Variants in SYNE1 observed in about 807,000 individuals in gnomAD.
SYNE1 encodes the protein nesprin-1.
Under a neutral mutation model 1,111.0 loss-of-function variants are expected in SYNE1, and 616 were observed. The ratio of observed to expected loss-of-function variants is 0.55; its 90% CI spans 0.52 to 0.59. The LOEUF (loss-of-function observed/expected upper bound fraction) is 0.59. SYNE1 is among the 20% of genes least tolerant of loss of function. SYNE1 has a pLI of 0.00. For missense variants in SYNE1, 10,006 were observed against 10,417.0 expected, an observed-to-expected ratio of 0.96 and a Z score of 1.72; for synonymous variants, 3,855 against 3,825.8, an observed-to-expected ratio of 1.01 and a Z score of -0.28.
At chr6:152,122,794 G>T in intron 145 of SYNE1, 118 bp from the exon 146 acceptor site, 2 of 1,505,026 alleles carry the variant, frequency 1.3e-6, no homozygotes, top group Non-Finnish European at 1.8e-6. Flanking sequence ...CCAGCCTGGC[G>T]ATCAGCTGCC....
chr6:152,344,534 T>C (rs1000208733), intron 73 of SYNE1, among the ~76,000 whole-genome samples: 2 of 152,182 alleles, frequency 1.3e-5, no homozygotes, highest in African/African-American at 4.8e-5. Flanking sequence ...TGAAGTTAAT[T>C]GTCATAAACA....
intron 3 of SYNE1, among the ~76,000 whole-genome samples, chr6:152,617,016 T>C (rs1374718935): frequency 6.6e-6 from 1 of 152,166 alleles, no homozygotes; most frequent in Non-Finnish European, 1.5e-5. Flanking sequence ...AAAAGAACAA[T>C]CTTGAAAGAA....
intron 3 of SYNE1, among the ~76,000 whole-genome samples, chr6:152,625,659 C>T (rs538590710): frequency 5.9e-5 from 9 of 152,230 alleles, no homozygotes; most frequent in African/African-American, 2.2e-4. Flanking sequence ...GAAATAAAAG[C>T]TAATTAATGC....
chr6:152,435,326 C>T (rs1287267336), intron 33 of SYNE1: 1 of 151,098 alleles, frequency 6.6e-6, no homozygotes, highest in Non-Finnish European at 1.5e-5. Context: ...TTTTTCCCCT[C>T]CAAACTTTTT....
rs770156484 is a variant in SYNE1, at chr6:152,161,032, A to C, written c.23790+3131T>G. Among the ~76,000 whole-genome samples the C allele has an allele frequency of 1.6e-3, 236 of 151,814 alleles. 1 individual carries two copies. Among genetic ancestry groups the C allele is most frequent in the Non-Finnish European group, 2.3e-3 (154 of 67,924 alleles). On this transcript the variant is annotated intron_variant, in intron 131 of 145. Transcript: ENST00000367255. ...TAAACAAAAAGATAAATATATGAAA[A>C]ATAGGAGAGAAATATAGACATAAAC...
intron 84 of SYNE1, among the ~76,000 whole-genome samples, chr6:152,320,632 A>G (rs1269871105): frequency 6.6e-6 from 1 of 152,146 alleles, no homozygotes; most frequent in Non-Finnish European, 1.5e-5. Flanking sequence ...CTCAACACCA[A>G]AAAGGACTAT....
chr6:152,196,329 CT>C lies in SYNE1; in HGVS notation c.23145+5494del, dbSNP rs971485525. Among the ~76,000 whole-genome samples the C allele has an allele frequency of 2.1e-4, 32 of 152,174 alleles. 1 individual carries two copies. The highest frequency in any genetic ancestry group is 7.7e-4 in the African/African-American group (32 of 41,526). ...CAAAGTCCCCTTTGTTCTTGCCTCT[CT>C]TTTTTGTAAGCAGAAGAGGACTCTC... On this transcript the variant is annotated intron_variant, in intron 127 of 145. Transcript: ENST00000367255.
chr6:152,540,862 A>T (rs1019026621), intron 3 of SYNE1, among the ~76,000 whole-genome samples: 2 of 152,224 alleles, frequency 1.3e-5, no homozygotes, highest in African/African-American at 4.8e-5. Context: ...TCAAACAGTC[A>T]CAAGGAATGA....
At chr6:152,583,957 T>C (rs2099528900) in intron 3 of SYNE1, among the ~76,000 whole-genome samples, 1 of 152,172 alleles carries the variant, frequency 6.6e-6, no homozygotes, top group African/African-American at 2.4e-5. Flanking sequence ...AAAACATCTC[T>C]TCTGTGTGCA....
chr6:152,230,274 T>C (rs1047164308), intron 115 of SYNE1, among the ~76,000 whole-genome samples: 7 of 152,140 alleles, frequency 4.6e-5, no homozygotes, highest in African/African-American at 1.7e-4. Flanking sequence ...TTATTAAATC[T>C]GATGCTCAGT....
intron 62 of SYNE1, 61 bp downstream of exon 62, chr6:152,367,157 G>A (rs764428622): frequency 1.4e-5 from 23 of 1,602,270 alleles, no homozygotes; most frequent in Middle Eastern, 1.6e-4. Context: ...GGATGGAGAC[G>A]GGAAATTTTG....
Position 152,472,531 on chromosome 6 carries a change from C to T in SYNE1, c.1351-118G>A, listed in dbSNP as rs781071247. 3.9e-5 allele frequency: 37 copies of T among 943,846 alleles called. No homozygotes were observed. In the African/African-American group the frequency reaches 5.5e-4, roughly 14 times the overall value. 58.5% of individuals were successfully genotyped at this position (943,846 alleles called of 1,614,324 possible). A position where few individuals can be genotyped will look rare whatever the true frequency, so the allele number is the denominator to read the frequency against. Reference sequence around the variant, plus strand: ...GTATTCAACAATTTGATCCCGCTGCCACATTCAGAGGCAGCTTGGTGCCTG... The same window carrying T: ...GTATTCAACAATTTGATCCCGCTGCTACATTCAGAGGCAGCTTGGTGCCTG... On this transcript the variant is annotated intron_variant, in intron 14 of 145. Coordinates refer to ENST00000367255, the MANE Select transcript of SYNE1 (RefSeq NM_182961.4).
intron 84 of SYNE1, chr6:152,320,019 C>A (rs755348672): frequency 3.3e-5 from 5 of 152,140 alleles, no homozygotes; most frequent in Non-Finnish European, 7.3e-5. Flanking sequence ...AAAAAATTAG[C>A]CGGGTATGGT....
intron 3 of SYNE1, among the ~76,000 whole-genome samples, chr6:152,551,567 C>T (rs2099346985): frequency 6.6e-6 from 1 of 152,128 alleles, no homozygotes; most frequent in African/African-American, 2.4e-5. Flanking sequence ...AATTACATCA[C>T]AGTCCAAGTT....
intron 3 of SYNE1, among the ~76,000 whole-genome samples, chr6:152,547,786 C>T (rs1015569762): frequency 5.3e-5 from 8 of 152,220 alleles, no homozygotes; most frequent in East Asian, 3.9e-4. Flanking sequence ...CTGTATCTCA[C>T]TTATTTAATT....
intron 91 of SYNE1, among the ~76,000 whole-genome samples, chr6:152,303,996 C>T (rs1468222821): frequency 6.7e-6 from 1 of 149,966 alleles, no homozygotes; most frequent in Non-Finnish European, 1.5e-5. Flanking sequence ...AAAAAACAGT[C>T]CAGCAGAACT....
intron 6 of SYNE1, among the ~76,000 whole-genome samples, chr6:152,515,541 A>C (rs1414444719): frequency 6.6e-6 from 1 of 152,240 alleles, no homozygotes; most frequent in South Asian, 2.1e-4. Flanking sequence ...CAGGGATCAC[A>C]GTTCTTGCAG....
At chr6:152,513,480 T>C (rs186740089) in intron 6 of SYNE1, among the ~76,000 whole-genome samples, 298 of 152,210 alleles carry the variant, frequency 2.0e-3, no homozygotes, top group Non-Finnish European at 3.2e-3. Context: ...ATTACAGGCA[T>C]GCGCCACCAC....
rs2093094966 is a variant in SYNE1, at chr6:152,270,294, C to T, written c.18574-1008G>A. 2.6e-5 allele frequency among the ~76,000 whole-genome samples: 4 copies of T among 152,102 alleles called. No homozygotes were observed. In the South Asian group the frequency reaches 8.3e-4, roughly 32 times the overall value. ...ATTAAAAAAAGTCATTTACTGTGGG[C>T]ACGTGTGGTTACCATTTTACAAATT... On this transcript the variant is annotated intron_variant, in intron 98 of 145. Transcript: ENST00000367255.
Sources: allele counts gnomAD v4.1 joint callset (sites outside exome capture counted in the v4.1 genomes callset), GRCh38; gene constraint gnomAD v4.1.1; transcripts MANE v1.5; gene names NCBI Gene and HGNC (gene_info 2026-07-23, HGNC 2026-07-21).